The following CDKL5 variants were observed in gnomAD, a reference collection of about 807,000 sequenced individuals.
CDKL5 encodes the protein cyclin-dependent kinase-like 5.
Under a neutral mutation model 61.7 loss-of-function variants are expected in CDKL5, and 8 were observed. The ratio of observed to expected loss-of-function variants is 0.13; its 90% CI spans 0.08 to 0.23. The LOEUF is 0.23. Ranked by LOEUF, CDKL5 falls within the 10% of genes least tolerant of loss-of-function variation. CDKL5 has a pLI of 1.00. For missense variants in CDKL5, 440 were observed against 734.5 expected (o/e 0.60, Z 4.63); for synonymous variants, 275 against 272.3 (o/e 1.01, Z -0.10).
At chrX:18,567,735 A>T (rs1015313649) in intron 4 of CDKL5, among the ~76,000 whole-genome samples, 2 of 111,568 alleles carry the variant, frequency 1.8e-5, no homozygotes, top group African/African-American at 6.5e-5. Context: ...TTTTAAAAAA[A>T]TTAGCCAGGC....
At chrX:18,564,241 C>T (rs1344502986) in intron 3 of CDKL5, among the ~76,000 whole-genome samples, 1 of 111,407 alleles carries the variant, frequency 9.0e-6, no homozygotes, top group African/African-American at 3.3e-5. Flanking sequence ...ACCATATCTG[C>T]TCTTTGCTCC....
chrX:18,612,557 G>A (rs777512905), intron 14 of CDKL5, among the ~76,000 whole-genome samples: 1 of 108,912 alleles, frequency 9.2e-6, no homozygotes, highest in Admixed American at 9.8e-5. Context: ...CTACCCAGGA[G>A]GCTAAGGTGG....
At chrX:18,432,075 ATTTCTTTC>A (rs201355473) in intron 1 of CDKL5, among the ~76,000 whole-genome samples, 3 of 97,950 alleles carry the variant, frequency 3.1e-5, no homozygotes, top group Non-Finnish European at 4.1e-5. Flanking sequence ...CACCTGGCTA[ATTTCTTTC>A]TTTCTTTCTT....
At chrX:18,644,364 T>G (rs41309707), downstream of CDKL5, 18,462 of 1,039,804 alleles carry the variant, frequency 0.018, 1,043 homozygotes, top group African/African-American at 0.22. Context: ...TGACAGGAGC[T>G]CGGGGACAGG....
rs777648271 is a variant in CDKL5 at position 18,557,351 on chromosome X, GTA to G, written c.100-7121_100-7120del. ...ATAAGTAATCAAAAGATAATTTAAAGTATATAGGCGAATGTGCATAGGTTATA... is the reference window on the plus strand; with the variant it reads ...ATAAGTAATCAAAAGATAATTTAAAGTATAGGCGAATGTGCATAGGTTATA... On this transcript the variant is annotated intron_variant, in intron 3 of 17. Transcript: ENST00000623535. Among the ~76,000 whole-genome samples, 207 of 112,061 alleles carry G rather than the reference GTA, an allele frequency of 1.8e-3. 1 individual carries two copies. The highest frequency in any genetic ancestry group is 7.1e-3 in the Admixed American group (75 of 10,566).
In CDKL5 at chrX:18,506,952, C is replaced by A. The variant is rs1337718261; in HGVS notation, c.-145C>A. The A allele has an allele frequency of 4.1e-6, 2 of 486,993 alleles. No individual in the cohort carries two copies. Among genetic ancestry groups the A allele is most frequent in the African/African-American group, 2.4e-5 (1 of 41,902 alleles). 40.1% of individuals were successfully genotyped at this position (486,993 alleles called of 1,213,427 possible). On this transcript the variant is annotated 5_prime_UTR_variant, in exon 2 of 18. Coordinates refer to ENST00000623535, the MANE Select transcript of CDKL5 (RefSeq NM_001323289.2). ...TTTTTCAGGGAGTCATTTAATACTT[C>A]ATGATTAGAACAAATATGTGAAAGT... is the stretch of plus-strand genomic sequence containing the variant.
Position 18,530,769 on chromosome X carries a change from A to C in CDKL5, c.99+19915A>C, listed in dbSNP as rs770335845. On this transcript the variant is annotated intron_variant, in intron 3 of 17. Transcript: ENST00000623535. Reference sequence around the variant, plus strand: ...GGATATGATATATTAGGCAATAGGAACTGAATAAATAGGCCTTTAGTGTAA... The same window carrying C: ...GGATATGATATATTAGGCAATAGGACCTGAATAAATAGGCCTTTAGTGTAA... 6.3e-5 allele frequency among the ~76,000 whole-genome samples: 7 copies of C among 111,877 alleles called. No individual in the cohort carries two copies. In the East Asian group the frequency reaches 2.0e-3, roughly 31 times the overall value.
rs1218507745 is a variant in CDKL5 at position 18,604,017 on chromosome X, A to C, written c.1093A>C (p.Ser365Arg). The C allele has an allele frequency of 8.3e-7, 1 of 1,209,444 alleles. No homozygotes were observed. The highest frequency in any genetic ancestry group is 1.1e-6 in the Non-Finnish European group (1 of 895,164). Residue 365 changes from serine to arginine, a missense_variant, in exon 12 of 18, where the codon AGC (serine) becomes CGC (arginine). Ser to Arg is a moderately radical substitution (Grantham distance 110). Coordinates refer to ENST00000623535, the MANE Select transcript of CDKL5 (RefSeq NM_001323289.2). ...RADEGLPANE[S>R]FLNGNLAGAS... Reference sequence around the variant, plus strand: ...TGACGAAGGTCTCCCTGCCAATGAAAGCTTCCTAAATGGAAACCTTGCTGG... The same window carrying C: ...TGACGAAGGTCTCCCTGCCAATGAACGCTTCCTAAATGGAAACCTTGCTGG...
intron 9 of CDKL5, chrX:18,589,143 T>G (rs1925740065): frequency 1.1e-5 from 1 of 92,694 alleles, no homozygotes; most frequent in Non-Finnish European, 2.0e-5. Flanking sequence ...TTTCAGCCAG[T>G]TTTTTTTTTT....
At chrX:18,569,476 A>T in intron 4 of CDKL5, among the ~76,000 whole-genome samples, 1 of 112,203 alleles carries the variant, frequency 8.9e-6, no homozygotes, top group Non-Finnish European at 1.9e-5. Context: ...TGTATAAATT[A>T]TAAATTTAGT....
downstream of CDKL5, chrX:18,644,529 G>A: frequency 8.3e-7 from 1 of 1,211,350 alleles, no homozygotes. Context: ...CGATGTCACA[G>A]CGCCCCTGGG....
Position 18,633,308 on chromosome X carries a change from G to A in CDKL5, c.*4551G>A. The A allele has an allele frequency of 1.3e-6, 1 of 753,856 alleles. No homozygotes were observed. Among genetic ancestry groups the A allele is most frequent in the Non-Finnish European group, 1.6e-6 (1 of 638,902 alleles). The allele number at this position is 753,856 out of a possible 1,213,427, so 62.1% of individuals were successfully genotyped here. ...CTTCAGTTCATCACTAAGAAAGTGT[G>A]TAGGCAGAGAAAACTTACTTATGGT... On this transcript the variant is annotated 3_prime_UTR_variant, in exon 18 of 18. Coordinates refer to ENST00000623535, the MANE Select transcript of CDKL5 (RefSeq NM_001323289.2).
intron 1 of CDKL5, chrX:18,443,819 G>T (rs2147627306): frequency 9.0e-6 from 1 of 111,012 alleles, no homozygotes; most frequent in East Asian, 2.8e-4. Flanking sequence ...TTTGGTCTAG[G>T]CTGGTCTGGA....
intron 3 of CDKL5, among the ~76,000 whole-genome samples, chrX:18,562,703 G>T (rs1187071743): frequency 9.0e-6 from 1 of 111,682 alleles, no homozygotes; most frequent in African/African-American, 3.2e-5. Context: ...CACTGAATTG[G>T]TTTAATGTAG....
chrX:18,546,739 C>T (rs1314223778), intron 3 of CDKL5, among the ~76,000 whole-genome samples: 2 of 111,695 alleles, frequency 1.8e-5, no homozygotes, highest in East Asian at 5.6e-4. Flanking sequence ...GGTACCTACC[C>T]TCATGGATCT....
chrX:18,465,017 T>C (rs1274648736), intron 1 of CDKL5, among the ~76,000 whole-genome samples: 4 of 112,201 alleles, frequency 3.6e-5, no homozygotes, highest in Non-Finnish European at 7.5e-5. Flanking sequence ...CAAAGAGATA[T>C]TCTTCTATAT....
chrX:18,502,996 TG>T (rs1376905299), intron 1 of CDKL5, among the ~76,000 whole-genome samples: 1 of 112,133 alleles, frequency 8.9e-6, no homozygotes, highest in Non-Finnish European at 1.9e-5. Context: ...GGAATTGCAT[TG>T]ACTATATAGA....
intron 3 of CDKL5, among the ~76,000 whole-genome samples, chrX:18,534,681 T>C (rs1184191925): frequency 1.8e-5 from 2 of 112,289 alleles, no homozygotes; most frequent in African/African-American, 6.5e-5. Context: ...AGTGTGTAAG[T>C]ATGAATTGTT....
chrX:18,498,917 G>A (rs963455504), intron 1 of CDKL5, among the ~76,000 whole-genome samples: 1 of 110,813 alleles, frequency 9.0e-6, no homozygotes, highest in African/African-American at 3.3e-5. Context: ...CTACAGGCAC[G>A]TGGTCATCAC....
Sources: gnomAD v4.1 joint callset for allele counts (sites outside exome capture counted in the v4.1 genomes callset) on GRCh38, gnomAD v4.1.1 for gene constraint, MANE v1.5 for transcripts, NCBI Gene and HGNC (gene_info 2026-07-23, HGNC 2026-07-21) for gene names.